Variants in PAQR5 observed in about 807,000 individuals in gnomAD.
The protein encoded by PAQR5 is progestin and adipoQ receptor family member 5, also known as membrane progestin receptor gamma.
Under a neutral mutation model 34.5 loss-of-function variants are expected in PAQR5, and 20 were observed. The ratio of observed to expected loss-of-function variants is 0.58; its 90% CI spans 0.41 to 0.84. PAQR5 has a LOEUF of 0.84. Among genes scored for constraint, PAQR5 ranks in the 40% least tolerant of loss-of-function variants. PAQR5 has a pLI of 0.00. For missense variants in PAQR5, 378 were observed against 412.7 expected (o/e 0.92, Z 0.73); for synonymous variants, 131 against 155.6 (o/e 0.84, Z 1.18).
chr15:69,343,068 C>T (rs1406234464), intron 2 of PAQR5, among the ~76,000 whole-genome samples: 2 of 152,202 alleles, frequency 1.3e-5, no homozygotes, highest in Admixed American at 6.5e-5. Flanking sequence ...ATGCCTTTAA[C>T]AAAATCCAGA....
chr15:69,356,476 T>C (rs943759604), intron 2 of PAQR5, among the ~76,000 whole-genome samples: 7 of 152,252 alleles, frequency 4.6e-5, no homozygotes, highest in African/African-American at 1.4e-4. Flanking sequence ...CACTATTTTA[T>C]TGGTATAAAA....
chr15:69,386,194 C>T (rs920318239), intron 5 of PAQR5, among the ~76,000 whole-genome samples: 9 of 151,572 alleles, frequency 5.9e-5, no homozygotes, highest in Non-Finnish European at 1.3e-4. Context: ...TACTCTCAGA[C>T]ACTACACACA....
At position 69,385,256 on chromosome 15, in the gene PAQR5, T is replaced by C. The variant is rs899384198; in HGVS notation, c.385+374T>C. 1.3e-4 allele frequency among the ~76,000 whole-genome samples: 20 copies of C among 152,336 alleles called. No homozygotes were observed. Among genetic ancestry groups the C allele is most frequent in the African/African-American group, 4.6e-4 (19 of 41,576 alleles). ...CATGCAGATACAGTAGATGTAGTCATTGAGTACTCAGTACTTTTGTTAATA... is the reference window on the plus strand; with the variant it reads ...CATGCAGATACAGTAGATGTAGTCACTGAGTACTCAGTACTTTTGTTAATA... On this transcript the variant is annotated intron_variant, in intron 5 of 8. Transcript: ENST00000395407. This position sits in a 1 kb window ranked among gnomAD's most constrained non-coding sequence, Gnocchi z 4.7.
chr15:69,369,232 G>T (rs2055487317), intron 3 of PAQR5, among the ~76,000 whole-genome samples: 1 of 152,078 alleles, frequency 6.6e-6, no homozygotes, highest in African/African-American at 2.4e-5. Flanking sequence ...ATGTGTGCAT[G>T]CCTGTGTTAA....
At chr15:69,345,113 AAAG>A (rs1198103024) in intron 2 of PAQR5, among the ~76,000 whole-genome samples, 1 of 152,054 alleles carries the variant, frequency 6.6e-6, no homozygotes, top group Non-Finnish European at 1.5e-5. Context: ...GAAAAAGAAA[AAAG>A]AAAAGAGAAA....
intron 3 of PAQR5, among the ~76,000 whole-genome samples, chr15:69,378,458 A>AG (rs1555421348): frequency 1.6e-3 from 235 of 143,768 alleles, no homozygotes; most frequent in African/African-American, 5.2e-3. Flanking sequence ...AAAAAAAAAA[A>AG]AGAGAGAGAG....
intron 1 of PAQR5, among the ~76,000 whole-genome samples, chr15:69,320,285 G>T (rs1202024837): frequency 6.6e-6 from 1 of 152,262 alleles, no homozygotes; most frequent in Non-Finnish European, 1.5e-5. Flanking sequence ...CTCCAGGTGG[G>T]CTCTGCTCCT....
At chr15:69,333,483 C>T (rs949172664) in intron 1 of PAQR5, among the ~76,000 whole-genome samples, 9 of 152,122 alleles carry the variant, frequency 5.9e-5, no homozygotes, top group Non-Finnish European at 1.3e-4. Flanking sequence ...GGATCAGAGA[C>T]GCATGCTCTC....
rs552965475 is a variant in PAQR5 at position 69,367,117 on chromosome 15, A to G, written c.51+6986A>G. 5.3e-5 allele frequency among the ~76,000 whole-genome samples: 8 copies of G among 152,180 alleles called. No homozygotes were observed. The South Asian group carries it at 1.7e-3, about 32-fold the overall frequency. ...ATGGTGAGATTTTATTAGTTTGACA[A>G]TATTTGTTTTTTAGCTGACAGTTTA... On this transcript the variant is annotated intron_variant, in intron 3 of 8. Transcript: ENST00000395407.
rs970580751 is a variant in PAQR5, at chr15:69,327,027, C to A, written c.-276-10314C>A. Reference sequence around the variant, plus strand: ...TTTTAGATGAGGTTTTGCTCTGTTGCCTGGGCTTGAGTGCAGTGGCAGTAA... The same window carrying A: ...TTTTAGATGAGGTTTTGCTCTGTTGACTGGGCTTGAGTGCAGTGGCAGTAA... On this transcript the variant is annotated intron_variant, in intron 1 of 8. Transcript: ENST00000395407. Among the ~76,000 whole-genome samples, 7 of 150,122 alleles carry A rather than the reference C, an allele frequency of 4.7e-5. No homozygotes were observed. The Middle Eastern group carries it at 0.01, about 220-fold the overall frequency.
At chr15:69,382,758 A>ATG (rs1446379741) in intron 4 of PAQR5, 3 of 137,596 alleles carry the variant, frequency 2.2e-5, no homozygotes, top group East Asian at 2.1e-4. Flanking sequence ...GTGTATATAT[A>ATG]TGTGTATATA....
chr15:69,364,258 T>C (rs184513715), intron 3 of PAQR5, among the ~76,000 whole-genome samples: 2 of 152,018 alleles, frequency 1.3e-5, no homozygotes, highest in East Asian at 3.9e-4. Flanking sequence ...TCCAGCCCAG[T>C]GCTATTCAGA....
At chr15:69,358,303 G>C (rs1231322897) in intron 2 of PAQR5, among the ~76,000 whole-genome samples, 3 of 152,140 alleles carry the variant, frequency 2.0e-5, no homozygotes, top group Non-Finnish European at 4.4e-5. Context: ...GAGTTGCTCT[G>C]TCTCCAACAA....
chr15:69,323,518 C>T (rs1416681379), intron 1 of PAQR5, among the ~76,000 whole-genome samples: 2 of 152,196 alleles, frequency 1.3e-5, no homozygotes, highest in African/African-American at 2.4e-5. Flanking sequence ...GTGACCTTCT[C>T]AGGTGAATGT....
chr15:69,307,579 T>C (rs1217080370), intron 1 of PAQR5, among the ~76,000 whole-genome samples: 1 of 152,022 alleles, frequency 6.6e-6, no homozygotes, highest in African/African-American at 2.4e-5. Context: ...GGGAAGAGTA[T>C]GGAAGGTCTT....
Position 69,404,640 on chromosome 15 carries a change from TTAAAC to T in PAQR5, c.*819_*823del, listed in dbSNP as rs1191604671. 3.7e-6 allele frequency: 1 copy of T among 269,166 alleles called. No individual in the cohort carries two copies. The highest frequency in any genetic ancestry group is 2.2e-5 in the African/African-American group (1 of 45,712). The allele number at this position is 269,166 out of a possible 1,614,324, so 16.7% of individuals were successfully genotyped here. A position where few individuals can be genotyped will look rare whatever the true frequency, so the allele number is the denominator to read the frequency against. The stretch of plus-strand genomic sequence containing the variant: ...ATTGGTTGTGCTCATATGCCACCTT[TTAAAC>T]CAATGGAAATTGCTATATTTGGGGA... On this transcript the variant is annotated 3_prime_UTR_variant, in exon 9 of 9. Transcript: ENST00000395407.
rs1203715889 is a variant in PAQR5, at chr15:69,300,641, CT to C, written c.-277+1588del. 5.7e-5 allele frequency among the ~76,000 whole-genome samples: 2 copies of C among 35,052 alleles called. 1 individual carries two copies. Among genetic ancestry groups the C allele is most frequent in the Admixed American group, 6.5e-4 (2 of 3,098 alleles). The allele number at this position is 35,052 out of a possible 152,430, so 23.0% of individuals were successfully genotyped here. A position where few individuals can be genotyped will look rare whatever the true frequency, so the allele number is the denominator to read the frequency against. ...TCTTTCTTTCTTTCTTTCTTTCTTTCTTTCTTTCTTTTCTTTCTTTCTTTCA... is the reference window on the plus strand; with the variant it reads ...TCTTTCTTTCTTTCTTTCTTTCTTTCTTCTTTCTTTTCTTTCTTTCTTTCA... On this transcript the variant is annotated intron_variant, in intron 1 of 8. Coordinates refer to ENST00000395407, the MANE Select transcript of PAQR5 (RefSeq NM_017705.4).
intron 1 of PAQR5, among the ~76,000 whole-genome samples, chr15:69,332,779 T>TAAAAAAA (rs56280711): frequency 3.3e-5 from 2 of 59,794 alleles, no homozygotes; most frequent in Non-Finnish European, 2.8e-5. Context: ...CTAAATCTTG[T>TAAAAAAA]AAAAAAAAAA....
At chr15:69,372,629 G>T (rs975763662) in intron 3 of PAQR5, among the ~76,000 whole-genome samples, 4 of 152,192 alleles carry the variant, frequency 2.6e-5, no homozygotes, top group African/African-American at 9.6e-5. Flanking sequence ...CACCACTGTT[G>T]TAAGTTGGCA....
Sources: allele counts gnomAD v4.1 joint callset (sites outside exome capture counted in the v4.1 genomes callset), GRCh38; gene constraint gnomAD v4.1.1; non-coding constraint Gnocchi (gnomAD v3.1); transcripts MANE v1.5; gene names NCBI Gene and HGNC (gene_info 2026-07-23, HGNC 2026-07-21).